The following ANK3 variants were observed in gnomAD, a reference collection of about 807,000 sequenced individuals.
ANK3 encodes ankyrin 3, also known as ankyrin-3.
Under a neutral mutation model 370.9 loss-of-function variants are expected in ANK3, and 57 were observed. That is an observed-to-expected ratio of 0.15 (90% CI 0.12 to 0.19). The LOEUF is 0.19. ANK3 is among the 10% of genes least tolerant of loss of function. The pLI is 1.00. For synonymous variants in ANK3, 1,929 were observed against 1,946.3 expected, an observed-to-expected ratio of 0.99 and a Z score of 0.23; for missense variants, 4,439 against 5,302.1, an observed-to-expected ratio of 0.84 and a Z score of 5.06.
chr10:60,581,934 T>C (rs1187609044), intron 2 of ANK3, among the ~76,000 whole-genome samples: 1 of 152,154 alleles, frequency 6.6e-6, no homozygotes, highest in Non-Finnish European at 1.5e-5. Context: ...TGGAATACTA[T>C]GCAGCCATAA....
intron 1 of ANK3, among the ~76,000 whole-genome samples, chr10:60,631,865 T>C (rs1366803109): frequency 1.3e-5 from 2 of 152,206 alleles, no homozygotes; most frequent in African/African-American, 2.4e-5. Context: ...AAGTCGAATT[T>C]TTTTAATCTT....
At chr10:60,269,929 A>G (rs1194020199) in intron 5 of ANK3, among the ~76,000 whole-genome samples, 1 of 152,192 alleles carries the variant, frequency 6.6e-6, no homozygotes, top group East Asian at 1.9e-4. Flanking sequence ...CGGGCATTTA[A>G]GAGTAGAAAG....
chr10:60,565,763 A>G (rs1273147574), intron 2 of ANK3, among the ~76,000 whole-genome samples: 2 of 152,174 alleles, frequency 1.3e-5, no homozygotes, highest in Non-Finnish European at 2.9e-5. Context: ...TCTCAATGTA[A>G]GCATGCCTTT....
At chr10:60,261,401 A>T (rs2097802265) in intron 7 of ANK3, among the ~76,000 whole-genome samples, 1 of 152,156 alleles carries the variant, frequency 6.6e-6, no homozygotes. Context: ...TTTGTAGGGG[A>T]CAGAAGATAA....
intron 7 of ANK3, among the ~76,000 whole-genome samples, chr10:60,261,653 T>G (rs1362806530): frequency 3.3e-5 from 5 of 152,170 alleles, no homozygotes; most frequent in African/African-American, 4.8e-5. Flanking sequence ...CCAGCTAGCA[T>G]TCCTGATCTT....
At chr10:60,130,964 C>T (rs1296728844) in intron 25 of ANK3, among the ~76,000 whole-genome samples, 1 of 152,198 alleles carries the variant, frequency 6.6e-6, no homozygotes, top group African/African-American at 2.4e-5. Flanking sequence ...CATGTACCTT[C>T]CACCTGGATT....
rs778542388 is a variant in ANK3, at chr10:60,234,735, C to G, written c.850G>C (p.Val284Leu). Reference protein sequence around the residue: ...VASKRGNANMVKLLLDRGAKI... With the variant: ...VASKRGNANMLKLLLDRGAKI... ...GCTCCTCGATCGAGCAATAGTTTTA[C>G]CATATTTGCATTTCCTCTTTTTGAT... Residue 284 changes from valine (V) to leucine (L), a missense_variant, in exon 8 of 44, where the codon GTA becomes CTA. This residue lies in a region of ANK3 where 227 missense variants were observed against 377.6 expected (regional missense o/e 0.60). Coordinates refer to ENST00000280772, the MANE Select transcript of ANK3 (RefSeq NM_020987.5). 1.2e-6 allele frequency: 2 copies of G among 1,613,614 alleles called. No homozygotes were observed. The highest frequency in any genetic ancestry group is 1.7e-5 in the Admixed American group (1 of 59,996).
intron 1 of ANK3, among the ~76,000 whole-genome samples, chr10:60,315,737 T>C (rs1426291720): frequency 6.6e-6 from 1 of 152,102 alleles, no homozygotes; most frequent in Non-Finnish European, 1.5e-5. Flanking sequence ...ATACTGCCAC[T>C]CTCTCTAACT....
chr10:60,224,452 A>G (rs1438106986), intron 8 of ANK3, among the ~76,000 whole-genome samples: 1 of 152,124 alleles, frequency 6.6e-6, no homozygotes, highest in Non-Finnish European at 1.5e-5. Flanking sequence ...GAAGGTCAAA[A>G]GACTTTCCGG....
chr10:60,319,203 G>C (rs2048103347), intron 1 of ANK3, among the ~76,000 whole-genome samples: 1 of 152,206 alleles, frequency 6.6e-6, no homozygotes, highest in African/African-American at 2.4e-5. Flanking sequence ...AGGGCAAAGG[G>C]ATGGTTCTAG....
At chr10:60,226,704 G>A (rs1243905668) in intron 8 of ANK3, among the ~76,000 whole-genome samples, 3 of 137,878 alleles carry the variant, frequency 2.2e-5, no homozygotes, top group African/African-American at 5.3e-5. Flanking sequence ...ATATTATATA[G>A]TATATATAAT....
chr10:60,702,750 C>A (rs1485511034), intron 1 of ANK3, among the ~76,000 whole-genome samples: 1 of 152,172 alleles, frequency 6.6e-6, no homozygotes, highest in Non-Finnish European at 1.5e-5. Context: ...AGAATATCAT[C>A]ATTTTGTAGT....
At chr10:60,178,020 T>C (rs568249012) in intron 18 of ANK3, among the ~76,000 whole-genome samples, 1 of 152,204 alleles carries the variant, frequency 6.6e-6, no homozygotes, top group Non-Finnish European at 1.5e-5. Flanking sequence ...TAAAATCAAC[T>C]TATTCTTCGC....
At chr10:60,341,263 C>G (rs1181009101) in intron 1 of ANK3, among the ~76,000 whole-genome samples, 1 of 152,144 alleles carries the variant, frequency 6.6e-6, no homozygotes, top group Admixed American at 6.6e-5. Context: ...TTCTGAAACT[C>G]AAATCTGTTC....
chr10:60,648,663 G>A (rs955337614), intron 1 of ANK3, among the ~76,000 whole-genome samples: 1 of 150,606 alleles, frequency 6.6e-6, no homozygotes, highest in African/African-American at 2.4e-5. Flanking sequence ...CCAGCTACTC[G>A]GAAGGCTGAG....
At chr10:60,618,283 G>A (rs1292777507) in intron 1 of ANK3, among the ~76,000 whole-genome samples, 3 of 152,084 alleles carry the variant, frequency 2.0e-5, no homozygotes, top group African/African-American at 4.8e-5. Flanking sequence ...AAGAATTGTT[G>A]TTTAGACCTT....
rs370563122 is a variant in ANK3 at position 60,072,151 on chromosome 10, G to A, written c.8730C>T (p.Asn2910=). Residue 2910 remains asparagine, a synonymous_variant, in exon 37 of 44, where the codon AAC becomes AAT. Transcript: ENST00000280772. ...VTERERKLLT[N]GSLSEIKEMT... ...TTTCTTTAATTTCTGAGAGAGAGCCGTTTGTTAACAATTTGCGTTCTCTCT... is the reference window on the plus strand; with the variant it reads ...TTTCTTTAATTTCTGAGAGAGAGCCATTTGTTAACAATTTGCGTTCTCTCT... The A allele has an allele frequency of 4.5e-5, 72 of 1,613,658 alleles. No homozygotes were observed. In the Admixed American group the frequency reaches 6.8e-4, roughly 15 times the overall value.
At chr10:60,121,537 C>CA (rs1565148914) in intron 25 of ANK3, among the ~76,000 whole-genome samples, 1 of 151,508 alleles carries the variant, frequency 6.6e-6, no homozygotes, top group African/African-American at 2.4e-5. Flanking sequence ...ATAAAAATTG[C>CA]AAAAAAGAGC....
intron 7 of ANK3, among the ~76,000 whole-genome samples, chr10:60,239,852 A>G (rs2097398666): frequency 1.3e-5 from 2 of 152,096 alleles, no homozygotes; most frequent in Admixed American, 1.3e-4. Flanking sequence ...TGTCAGGCTC[A>G]TACCATATTT....
Sources: allele counts gnomAD v4.1 joint callset (sites outside exome capture counted in the v4.1 genomes callset), GRCh38; gene constraint gnomAD v4.1.1; regional missense constraint gnomAD v4.1.1; transcripts MANE v1.5; gene names NCBI Gene and HGNC (gene_info 2026-07-23, HGNC 2026-07-21).